CILK1: variants seen among roughly 807,000 people sequenced by gnomAD.
The protein encoded by CILK1 is ciliogenesis associated kinase 1.
A neutral mutation model predicts 79.2 loss-of-function variants in CILK1; 47 were observed. That is an observed-to-expected ratio of 0.59 (90% confidence interval 0.47 to 0.76). CILK1 has a LOEUF of 0.76. Among genes scored for constraint, CILK1 ranks in the 30% least tolerant of loss-of-function variants. The probability of loss-of-function intolerance (pLI) is 0.00; values close to 1 mark genes in which losing one functional copy is unlikely to be tolerated. For synonymous variants in CILK1, 266 were observed against 275.9 expected (o/e 0.96, Z 0.36); for missense variants, 660 against 769.5 (o/e 0.86, Z 1.68).
chr6:53,026,363 G>A (rs981580635), intron 5 of CILK1, among the ~76,000 whole-genome samples: 1 of 152,086 alleles, frequency 6.6e-6, no homozygotes, highest in African/African-American at 2.4e-5. Context: ...TGGTCAGGCT[G>A]GTCTCGAACT....
intron 5 of CILK1, among the ~76,000 whole-genome samples, chr6:53,021,350 G>C (rs915347286): frequency 3.4e-5 from 5 of 148,210 alleles, no homozygotes; most frequent in African/African-American, 9.9e-5. Flanking sequence ...GGTTGGGGGG[G>C]TAAATCTCAT....
chr6:53,039,683 C>T (rs1475575181), intron 2 of CILK1, among the ~76,000 whole-genome samples: 1 of 152,174 alleles, frequency 6.6e-6, no homozygotes, highest in Non-Finnish European at 1.5e-5. Context: ...GCTGCACTGA[C>T]ATCAGGTGGG....
intron 3 of CILK1, 91 bp from the exon 4 acceptor site, chr6:53,032,745 G>A (rs1225099278): frequency 3.8e-6 from 4 of 1,049,690 alleles, no homozygotes; most frequent in Non-Finnish European, 4.2e-6. Context: ...TACTTGGAAA[G>A]AAACAACTAA....
intron 5 of CILK1, among the ~76,000 whole-genome samples, chr6:53,024,740 C>T (rs936537443): frequency 4.6e-5 from 7 of 151,654 alleles, no homozygotes; most frequent in Middle Eastern, 6.8e-3. Context: ...TGGCAGGGGG[C>T]GGTAGATGAA....
chr6:53,028,717 T>C (rs769299973), intron 5 of CILK1, among the ~76,000 whole-genome samples: 10 of 152,158 alleles, frequency 6.6e-5, no homozygotes, highest in Non-Finnish European at 1.5e-4. Flanking sequence ...CCCTGGTACC[T>C]TGTGGTCTGA....
Position 53,032,666 on chromosome 6 carries a change from G to A in CILK1, c.157-12C>T. On this transcript the variant is annotated splice_polypyrimidine_tract_variant and intron_variant, in intron 3 of 13. Coordinates refer to ENST00000676107, the MANE Select transcript of CILK1 (RefSeq NM_014920.5). ...AGCTTCTTTAAAGACTAAAAGGCAA[G>A]GAATAAACACAAAACAAAACAAATA... 6.3e-7 allele frequency: 1 copy of A among 1,592,836 alleles called. No homozygotes were observed. The highest frequency in any genetic ancestry group is 1.7e-5 in the Admixed American group (1 of 59,126).
intron 2 of CILK1, among the ~76,000 whole-genome samples, chr6:53,039,272 G>C (rs2127449557): frequency 6.6e-6 from 1 of 152,298 alleles, no homozygotes; most frequent in Non-Finnish European, 1.5e-5. Flanking sequence ...GAAAGGAAAA[G>C]GGCCTATAAA....
chr6:53,023,099 A>G (rs1765351119), intron 5 of CILK1, among the ~76,000 whole-genome samples: 1 of 151,800 alleles, frequency 6.6e-6, no homozygotes, highest in Non-Finnish European at 1.5e-5. Context: ...ACACCCTGCT[A>G]ATTTTTTGTA....
At chr6:53,010,669 C>T (rs1258603988) in intron 11 of CILK1, among the ~76,000 whole-genome samples, 2 of 152,228 alleles carry the variant, frequency 1.3e-5, no homozygotes, top group African/African-American at 4.8e-5. Flanking sequence ...TTTCCTCTCT[C>T]CCTGGTGTGC....
At chr6:53,040,991 G>C (rs1012800982) in intron 2 of CILK1, 145 bp downstream of exon 2, 1 of 707,756 alleles carries the variant, frequency 1.4e-6, no homozygotes, top group African/African-American at 1.7e-5. Flanking sequence ...GAGTGTTACA[G>C]AGTCAATAAT....
chr6:53,034,878 A>T (rs1163021423), intron 3 of CILK1, among the ~76,000 whole-genome samples: 1 of 152,176 alleles, frequency 6.6e-6, no homozygotes, highest in African/African-American at 2.4e-5. Context: ...AGGAAGAGTG[A>T]CACCTGGATG....
intron 5 of CILK1, among the ~76,000 whole-genome samples, chr6:53,024,513 G>C (rs1247828521): frequency 2.0e-5 from 3 of 152,202 alleles, no homozygotes; most frequent in Non-Finnish European, 4.4e-5. Flanking sequence ...AGGCCTGATT[G>C]TGTGTTTCCA....
intron 5 of CILK1, among the ~76,000 whole-genome samples, chr6:53,028,319 T>C (rs1200318656): frequency 2.0e-5 from 3 of 152,104 alleles, no homozygotes; most frequent in Non-Finnish European, 4.4e-5. Context: ...GAAATTAGTC[T>C]CTATACCACT....
chr6:53,037,075 C>G (rs541861896), intron 3 of CILK1, among the ~76,000 whole-genome samples: 83 of 152,046 alleles, frequency 5.5e-4, no homozygotes, highest in African/African-American at 1.7e-3. Flanking sequence ...TGTACAGGAC[C>G]CCTTTGGAGA....
intron 12 of CILK1, among the ~76,000 whole-genome samples, 171 bp from the exon 13 acceptor site, chr6:53,006,608 G>A (rs1232125259): frequency 6.6e-6 from 1 of 152,216 alleles, no homozygotes; most frequent in African/African-American, 2.4e-5. Flanking sequence ...ATACTACCCT[G>A]TCAGAAAGAC....
intron 1 of CILK1, among the ~76,000 whole-genome samples, chr6:53,047,273 G>A (rs1455571445): frequency 6.6e-6 from 1 of 152,002 alleles, no homozygotes; most frequent in Non-Finnish European, 1.5e-5. Flanking sequence ...TTATGAACGA[G>A]TATGTGTGTC....
chr6:53,021,670 T>C (rs1765253721), intron 5 of CILK1, among the ~76,000 whole-genome samples: 2 of 152,086 alleles, frequency 1.3e-5, no homozygotes, highest in Non-Finnish European at 2.9e-5. Context: ...CATAACGAAG[T>C]TTCAATTAAT....
At chr6:53,059,059 A>T (rs1162864408) in intron 1 of CILK1, among the ~76,000 whole-genome samples, 1 of 152,202 alleles carries the variant, frequency 6.6e-6, no homozygotes, top group Admixed American at 6.5e-5. Context: ...ATACTTACTA[A>T]GGATTCACTG....
intron 3 of CILK1, among the ~76,000 whole-genome samples, chr6:53,034,305 A>C (rs1300344522): frequency 6.6e-6 from 1 of 152,228 alleles, no homozygotes; most frequent in Non-Finnish European, 1.5e-5. Flanking sequence ...ATGGCAGCTC[A>C]CAGCTTTTGT....
Sources: allele counts gnomAD v4.1 joint callset (sites outside exome capture counted in the v4.1 genomes callset), GRCh38; gene constraint gnomAD v4.1.1; transcripts MANE v1.5; gene names NCBI Gene and HGNC (gene_info 2026-07-23, HGNC 2026-07-21).